The following VOPP1 variants were observed in gnomAD, a reference collection of about 807,000 sequenced individuals.
The protein encoded by VOPP1 is VOPP1 WW domain binding protein.
VOPP1 carries 8 observed loss-of-function variants against 23.5 expected under a neutral mutation model. The ratio of observed to expected loss-of-function variants is 0.34; its 90% confidence interval spans 0.20 to 0.61. VOPP1 has a LOEUF of 0.61. Among genes scored for constraint, VOPP1 ranks in the 20% least tolerant of loss-of-function variants. VOPP1 has a pLI of 0.78. For synonymous variants in VOPP1, 83 were observed against 97.3 expected, an observed-to-expected ratio of 0.85 and a Z score of 0.86; for missense variants, 174 against 238.1, an observed-to-expected ratio of 0.73 and a Z score of 1.77.
rs369052677 is a variant in VOPP1, at chr7:55,484,556, G to A, written c.328+7726C>T. ...TGTGGAGTAAGGAGATTATTCGCAC[G>A]GGGTGAGCTTGGGATGGGTGCCCTT... On this transcript the variant is annotated intron_variant, in intron 4 of 4. Coordinates refer to ENST00000285279, the MANE Select transcript of VOPP1 (RefSeq NM_030796.5). Among the ~76,000 whole-genome samples the A allele has an allele frequency of 9.2e-5, 14 of 152,268 alleles. No homozygotes were observed. In the South Asian group the frequency reaches 2.7e-3, roughly 29 times the overall value.
At chr7:55,488,992 C>A (rs1301485587) in intron 4 of VOPP1, among the ~76,000 whole-genome samples, 1 of 152,268 alleles carries the variant, frequency 6.6e-6, no homozygotes, top group Non-Finnish European at 1.5e-5. Context: ...CCCCAGGGCC[C>A]ATGCCACAGA....
chr7:55,499,556 C>A (rs894725696), intron 2 of VOPP1, among the ~76,000 whole-genome samples: 1 of 152,174 alleles, frequency 6.6e-6, no homozygotes, highest in African/African-American at 2.4e-5. Context: ...AAATAGTAAA[C>A]GAGAAAACAT....
At chr7:55,447,610 T>C (rs1177730470) in intron 4 of VOPP1, among the ~76,000 whole-genome samples, 3 of 152,218 alleles carry the variant, frequency 2.0e-5, no homozygotes, top group Admixed American at 6.5e-5. Context: ...ATTCAATATA[T>C]GTTTAATGCC....
downstream of VOPP1, among the ~76,000 whole-genome samples, chr7:55,466,123 C>T (rs1791625423): frequency 1.3e-5 from 2 of 152,198 alleles, no homozygotes. Flanking sequence ...AACCACGAAG[C>T]AGACACTCAC....
chr7:55,522,606 G>A (rs950388975), intron 1 of VOPP1, among the ~76,000 whole-genome samples: 9 of 151,990 alleles, frequency 5.9e-5, no homozygotes, highest in Non-Finnish European at 7.4e-5. Flanking sequence ...CTCCATCACC[G>A]CCACCGACAG....
At chr7:55,564,264 TCTCGCTCGCTTG>T (rs1798087849) in intron 1 of VOPP1, among the ~76,000 whole-genome samples, 1 of 150,930 alleles carries the variant, frequency 6.6e-6, no homozygotes. Flanking sequence ...TCTCTCTCTC[TCTCGCTCGCTTG>T]CTCTCTCTCA....
intron 1 of VOPP1, among the ~76,000 whole-genome samples, chr7:55,540,735 AC>A (rs1256912588): frequency 1.3e-5 from 2 of 152,140 alleles, no homozygotes; most frequent in African/African-American, 4.8e-5. Flanking sequence ...TCAGGTCTTC[AC>A]CTCCGCTGCG....
rs756025759 is a variant in VOPP1 at position 55,572,262 on chromosome 7, G to C, written c.54+9C>G. On this transcript the variant is annotated intron_variant, in intron 1 of 4. Coordinates refer to ENST00000285279, the MANE Select transcript of VOPP1 (RefSeq NM_030796.5). ...GCGCCTCCGGCAGCACCCGGTCCCCGGCCCCTACCTCCAAGAGCAGCCCGA... is the reference window on the plus strand; with the variant it reads ...GCGCCTCCGGCAGCACCCGGTCCCCCGCCCCTACCTCCAAGAGCAGCCCGA... 7.2e-6 allele frequency: 11 copies of C among 1,524,086 alleles called. No homozygotes were observed. Among genetic ancestry groups the C allele is most frequent in the African/African-American group, 2.9e-5 (2 of 69,682 alleles). The allele number at this position is 1,524,086 out of a possible 1,614,324, so 94.4% of individuals were successfully genotyped here.
At chr7:55,556,786 C>T (rs1434894682) in intron 1 of VOPP1, among the ~76,000 whole-genome samples, 1 of 152,146 alleles carries the variant, frequency 6.6e-6, no homozygotes, top group Non-Finnish European at 1.5e-5. Flanking sequence ...ATGTCAGGGT[C>T]AAAAGCCTCC....
intron 1 of VOPP1, among the ~76,000 whole-genome samples, chr7:55,526,045 G>A (rs1033856224): frequency 6.6e-6 from 1 of 152,212 alleles, no homozygotes; most frequent in African/African-American, 2.4e-5. Flanking sequence ...TGGGAAAACA[G>A]CAGCCCTGCA....
At chr7:55,473,105 T>C (rs2129007574) in intron 4 of VOPP1, 60 bp from the exon 5 acceptor site, 2 of 1,550,198 alleles carry the variant, frequency 1.3e-6, no homozygotes, top group Non-Finnish European at 1.7e-6. Flanking sequence ...ACCGCAAGTA[T>C]GTGCAGGCTG....
intron 4 of VOPP1, among the ~76,000 whole-genome samples, chr7:55,444,454 C>T (rs1371511923): frequency 6.6e-6 from 1 of 152,190 alleles, no homozygotes; most frequent in Non-Finnish European, 1.5e-5. Context: ...GAGTCCAAGG[C>T]AGAAATTGCA....
downstream of VOPP1, among the ~76,000 whole-genome samples, chr7:55,435,593 G>A (rs994038884): frequency 1.1e-4 from 17 of 152,154 alleles, no homozygotes; most frequent in South Asian, 6.2e-4. Context: ...CGAGTGAGCC[G>A]GCCAGTGCGC....
At chr7:55,465,201 A>G (rs184408503) in intron 4 of VOPP1, among the ~76,000 whole-genome samples, 1 of 152,258 alleles carries the variant, frequency 6.6e-6, no homozygotes, top group East Asian at 1.9e-4. Context: ...GCTATCTTGA[A>G]ACCCTTCTCT....
In VOPP1 at chr7:55,456,372, T is replaced by C. The variant is rs138937370; in HGVS notation, n.418-20198A>G. ...GTGGAAGTGTAAATTAGTTCAGCCA[T>C]TGTGGAAGACAGTGTGGTGATTCCG... On this transcript the variant is annotated intron_variant and non_coding_transcript_variant, in intron 4 of 4. Transcript: ENST00000462326. Among the ~76,000 whole-genome samples the C allele has an allele frequency of 8.2e-3, 1,247 of 152,340 alleles. 8 individuals are homozygous for C. The highest frequency in any genetic ancestry group is 0.02 in the Middle Eastern group (6 of 294).
At chr7:55,453,036 T>G (rs1437970690) in intron 4 of VOPP1, among the ~76,000 whole-genome samples, 2 of 142,324 alleles carry the variant, frequency 1.4e-5, no homozygotes, top group African/African-American at 4.9e-5. Flanking sequence ...GAAGGCTGTT[T>G]TGTCTACATG....
intron 1 of VOPP1, among the ~76,000 whole-genome samples, chr7:55,549,216 A>G (rs2129053193): frequency 6.6e-6 from 1 of 152,288 alleles, no homozygotes; most frequent in East Asian, 1.9e-4. Flanking sequence ...ACCACTCCAA[A>G]ACACTGAAAG....
At chr7:55,507,594 T>C (rs1191221117) in intron 2 of VOPP1, among the ~76,000 whole-genome samples, 3 of 152,226 alleles carry the variant, frequency 2.0e-5, no homozygotes, top group Non-Finnish European at 4.4e-5. Flanking sequence ...AGAACTTTCA[T>C]CTTTCCAAAC....
intron 1 of VOPP1, chr7:55,521,899 G>T: frequency 1.0e-6 from 1 of 985,640 alleles, no homozygotes; most frequent in South Asian, 4.7e-5. Flanking sequence ...TCTGAACAAG[G>T]CTTTTCTAAA....
Sources: allele counts gnomAD v4.1 joint callset (sites outside exome capture counted in the v4.1 genomes callset), GRCh38; gene constraint gnomAD v4.1.1; transcripts MANE v1.5; gene names NCBI Gene and HGNC (gene_info 2026-07-23, HGNC 2026-07-21).